CLINT1: variants seen among roughly 807,000 people sequenced by gnomAD.
The protein encoded by CLINT1 is clathrin interacting protein localized in the trans-Golgi region.
A neutral mutation model predicts 70.4 loss-of-function variants in CLINT1; 15 were observed. The ratio of observed to expected loss-of-function variants is 0.21; its 90% confidence interval spans 0.14 to 0.33. CLINT1 has a LOEUF of 0.33. Among genes scored for constraint, CLINT1 ranks in the 10% least tolerant of loss-of-function variants. CLINT1 has a pLI of 1.00. For missense variants in CLINT1, 615 were observed against 778.1 expected, an observed-to-expected ratio of 0.79 and a Z score of 2.49; for synonymous variants, 227 against 254.7, an observed-to-expected ratio of 0.89 and a Z score of 1.04.
chr5:157,821,892 A>C (rs1762889053), intron 1 of CLINT1, among the ~76,000 whole-genome samples: 1 of 152,214 alleles, frequency 6.6e-6, no homozygotes, highest in Admixed American at 6.5e-5. Flanking sequence ...TGTTTATGAA[A>C]CTGTTTGTTG....
chr5:157,786,762 A>T lies in CLINT1; in HGVS notation c.*884T>A, dbSNP rs1367630020. ...TTTTAATGGATTTTTACCTTTGCAGACACCCAAAAAAAAAATAAAATAAAT... is the reference window on the plus strand; with the variant it reads ...TTTTAATGGATTTTTACCTTTGCAGTCACCCAAAAAAAAAATAAAATAAAT... On this transcript the variant is annotated 3_prime_UTR_variant, in exon 12 of 12. Coordinates refer to ENST00000411809, the MANE Select transcript of CLINT1 (RefSeq NM_014666.4). 1 of 152,366 alleles carries T rather than the reference A, an allele frequency of 6.6e-6. No individual in the cohort carries two copies. The highest frequency in any genetic ancestry group is 1.5e-5 in the Non-Finnish European group (1 of 68,006). 9.4% of individuals were successfully genotyped at this position (152,366 alleles called of 1,614,324 possible). A position where few individuals can be genotyped will look rare whatever the true frequency, so the allele number is the denominator to read the frequency against.
chr5:157,805,743 A>T, intron 7 of CLINT1, 123 bp downstream of exon 7: 1 of 1,204,670 alleles, frequency 8.3e-7, no homozygotes, highest in African/African-American at 1.5e-5. Context: ...TTGGTAATAC[A>T]TGCCAGATGA....
intron 1 of CLINT1, among the ~76,000 whole-genome samples, chr5:157,856,012 A>C (rs1016103297): frequency 6.6e-6 from 1 of 152,014 alleles, no homozygotes; most frequent in Non-Finnish European, 1.5e-5. Flanking sequence ...CAGGAAACAC[A>C]TTTTTCAGAG....
rs960624642 is a variant in CLINT1 at position 157,796,726 on chromosome 5, TC to T, written c.1013-1755del. On this transcript the variant is annotated intron_variant, in intron 8 of 11. Transcript: ENST00000411809. Reference sequence around the variant, plus strand: ...CTGGGTTAATTAAACTAGAACCATCTCCCCTTCTTAATATATGGCCAACAGT... The same window carrying T: ...CTGGGTTAATTAAACTAGAACCATCTCCCTTCTTAATATATGGCCAACAGT... Among the ~76,000 whole-genome samples the T allele has an allele frequency of 1.6e-4, 25 of 152,136 alleles. 1 individual carries two copies.
intron 1 of CLINT1, among the ~76,000 whole-genome samples, chr5:157,830,156 T>C (rs1220779797): frequency 6.6e-6 from 1 of 151,952 alleles, no homozygotes; most frequent in Non-Finnish European, 1.5e-5. Flanking sequence ...CCATGTTGCC[T>C]AGGCTGGTCT....
At position 157,835,878 on chromosome 5, in the gene CLINT1, C is replaced by T. The variant is rs1193663679; in HGVS notation, c.42-18331G>A. ...GTGTCCCATAGAAAGATTTGAAGAA[C>T]TAAATGAAATCTAAAGTTAAAAAAC... is the stretch of plus-strand genomic sequence containing the variant. On this transcript the variant is annotated intron_variant, in intron 1 of 11. Coordinates refer to ENST00000411809, the MANE Select transcript of CLINT1 (RefSeq NM_014666.4). Among the ~76,000 whole-genome samples the T allele has an allele frequency of 1.3e-5, 2 of 152,156 alleles. 1 individual carries two copies. Among genetic ancestry groups the T allele is most frequent in the East Asian group, 3.8e-4 (2 of 5,198 alleles).
At chr5:157,839,621 A>AC (rs962194744) in intron 1 of CLINT1, among the ~76,000 whole-genome samples, 1 of 146,290 alleles carries the variant, frequency 6.8e-6, no homozygotes, top group African/African-American at 2.6e-5. Flanking sequence ...AAAAAAAAAA[A>AC]CAAACAAAAA....
chr5:157,854,471 G>A (rs1442307389), intron 1 of CLINT1, among the ~76,000 whole-genome samples: 1 of 152,132 alleles, frequency 6.6e-6, no homozygotes, highest in African/African-American at 2.4e-5. Context: ...TGTGGTCCCA[G>A]CTGCAGTGTG....
Position 157,814,282 on chromosome 5 carries a change from G to C in CLINT1, c.255C>G (p.Leu85=), listed in dbSNP as rs748042514. ...NWRRVYKSLL[L]LAYLIRNGSE... ...ATCCATTCCTTATGAGGTAAGCTAG[G>C]AGCAGCAACGACTGCAAAAATACAA... is the stretch of plus-strand genomic sequence containing the variant. Residue 85 remains leucine (L), a synonymous_variant, in exon 4 of 12, where the codon CTC becomes CTG. Coordinates refer to ENST00000411809, the MANE Select transcript of CLINT1 (RefSeq NM_014666.4). The C allele has an allele frequency of 4.6e-5, 74 of 1,606,978 alleles. No individual in the cohort carries two copies. Among genetic ancestry groups the C allele is most frequent in the Non-Finnish European group, 5.8e-5 (68 of 1,176,162 alleles).
chr5:157,792,554 A>T (rs1010333319), intron 9 of CLINT1, among the ~76,000 whole-genome samples: 2 of 152,166 alleles, frequency 1.3e-5, no homozygotes, highest in Non-Finnish European at 2.9e-5. Flanking sequence ...TCTAAAAAAA[A>T]ATGAAGAATT....
At chr5:157,812,586 C>T (rs566608564) in intron 5 of CLINT1, among the ~76,000 whole-genome samples, 1 of 152,230 alleles carries the variant, frequency 6.6e-6, no homozygotes, top group African/African-American at 2.4e-5. Context: ...TCAAAGTATG[C>T]AATGCTTAAA....
intron 1 of CLINT1, among the ~76,000 whole-genome samples, chr5:157,824,870 T>C (rs1762987824): frequency 6.6e-6 from 1 of 152,202 alleles, no homozygotes; most frequent in South Asian, 2.1e-4. Context: ...TGGTCTAAGA[T>C]GACATCAAAT....
chr5:157,830,292 C>T (rs1037447129), intron 1 of CLINT1, among the ~76,000 whole-genome samples: 1 of 152,134 alleles, frequency 6.6e-6, no homozygotes, highest in African/African-American at 2.4e-5. Flanking sequence ...TTTATACTTT[C>T]ATCTTGCCAT....
At chr5:157,858,307 T>C (rs956789547) in intron 1 of CLINT1, among the ~76,000 whole-genome samples, 1 of 152,260 alleles carries the variant, frequency 6.6e-6, no homozygotes, top group African/African-American at 2.4e-5. Context: ...AGAAGTCATA[T>C]AGTGATCTAC....
intron 1 of CLINT1, among the ~76,000 whole-genome samples, chr5:157,842,821 T>TA (rs1753236326): frequency 6.6e-6 from 1 of 152,238 alleles, no homozygotes; most frequent in Non-Finnish European, 1.5e-5. Context: ...ATTCTGTACT[T>TA]ACAGCAACTT....
chr5:157,842,519 T>C (rs1753222233), intron 1 of CLINT1, among the ~76,000 whole-genome samples: 2 of 152,224 alleles, frequency 1.3e-5, no homozygotes, highest in East Asian at 1.9e-4. Context: ...CAAAATGTTA[T>C]ATTTGGATAT....
In CLINT1 at chr5:157,789,764, C is replaced by T. The variant is rs1761845454; in HGVS notation, c.1381-251G>A. ...CAATCAGGTTTGAGGTGGATAAAAC[C>T]AACAACTTACCTACACTAACAATTA... On this transcript the variant is annotated intron_variant, in intron 10 of 11. Coordinates refer to ENST00000411809, the MANE Select transcript of CLINT1 (RefSeq NM_014666.4). The T allele has an allele frequency of 2.1e-5, 12 of 572,428 alleles. No homozygotes were observed. The East Asian group carries it at 3.5e-4, about 17-fold the overall frequency. The allele number at this position is 572,428 out of a possible 1,614,324, so 35.5% of individuals were successfully genotyped here. A position where few individuals can be genotyped will look rare whatever the true frequency, so the allele number is the denominator to read the frequency against.
chr5:157,830,786 CTCTCTCTCTCTATA>C (rs1180161167), intron 1 of CLINT1, among the ~76,000 whole-genome samples: 4 of 132,546 alleles, frequency 3.0e-5, no homozygotes, highest in East Asian at 4.9e-4. Flanking sequence ...CTCTCTCTCT[CTCTCTCTCTCTATA>C]TATATATATA....
intron 1 of CLINT1, chr5:157,823,763 TA>T (rs1030526949): frequency 4.8e-6 from 4 of 833,704 alleles, no homozygotes; most frequent in Non-Finnish European, 5.8e-6. Context: ...CATTGTAGAA[TA>T]GGGGTACCCA....
Sources: allele counts gnomAD v4.1 joint callset (sites outside exome capture counted in the v4.1 genomes callset), GRCh38; gene constraint gnomAD v4.1.1; transcripts MANE v1.5; gene names NCBI Gene and HGNC (gene_info 2026-07-23, HGNC 2026-07-21).